Variants in SHANK2 observed in about 807,000 individuals in gnomAD.
The protein encoded by SHANK2 is SH3 and multiple ankyrin repeat domains protein 2.
SHANK2 carries 43 observed loss-of-function variants against 133.7 expected under a neutral mutation model. The observed-to-expected ratio is 0.32, with a 90% CI of 0.25 to 0.41. The LOEUF (loss-of-function observed/expected upper bound fraction) is 0.41. Among genes scored for constraint, SHANK2 ranks in the 10% least tolerant of loss-of-function variants. The pLI, the probability that SHANK2 is intolerant of heterozygous loss-of-function variation, is 1.00. For synonymous variants in SHANK2, 1,017 were observed against 952.8 expected (o/e 1.07, Z -1.24); for missense variants, 1,994 against 2,235.8 (o/e 0.89, Z 2.18).
Position 71,175,810 on chromosome 11 carries a change from G to A in SHANK2, c.-12-28472C>T, listed in dbSNP as rs1198016026. 6.6e-6 allele frequency among the ~76,000 whole-genome samples: 1 copy of A among 152,188 alleles called. No individual in the cohort carries two copies. The highest frequency in any genetic ancestry group is 1.9e-4 in the East Asian group (1 of 5,192). On this transcript the variant is annotated intron_variant, in intron 2 of 25. Transcript: ENST00000601538. The surrounding 1 kb of genome is among the most constrained non-coding windows in gnomAD (Gnocchi z 4.2). ...TGACTCCCAGCTTTCTGCCTCCTCA[G>A]GGTTTCCAGACCATGCTGCAAGCAA...
chr11:71,234,401 A>ATAAATAAC (rs1329862957), intron 1 of SHANK2, among the ~76,000 whole-genome samples: 21 of 149,940 alleles, frequency 1.4e-4, no homozygotes, highest in African/African-American at 4.3e-4. Context: ...AAATAAATAA[A>ATAAATAAC]TAACAACAAA....
At chr11:70,562,302 G>A (rs2059916272) in intron 17 of SHANK2, among the ~76,000 whole-genome samples, 1 of 152,182 alleles carries the variant, frequency 6.6e-6, no homozygotes. Flanking sequence ...AGTCAAGCTG[G>A]TTGATGGGTT....
intron 17 of SHANK2, among the ~76,000 whole-genome samples, chr11:70,614,097 G>T (rs529117380): frequency 1.3e-5 from 2 of 152,148 alleles, no homozygotes; most frequent in South Asian, 4.2e-4. Context: ...GACACACAGG[G>T]AGCCCACCAT....
chr11:70,879,705 A>G lies in SHANK2; in HGVS notation c.1174+16796T>C, dbSNP rs1949627353. On this transcript the variant is annotated intron_variant, in intron 11 of 25. Transcript: ENST00000601538. ...GGTTGAATCCCTTGCCCCAAAGGCC[A>G]TGCGGGGCCCCCCTCCCAGGCTTAT... 2.6e-5 allele frequency among the ~76,000 whole-genome samples: 4 copies of G among 152,342 alleles called. No homozygotes were observed. In the South Asian group the frequency reaches 8.3e-4, roughly 32 times the overall value.
At chr11:70,767,535 G>A (rs140591083) in intron 14 of SHANK2, among the ~76,000 whole-genome samples, 8 of 152,070 alleles carry the variant, frequency 5.3e-5, no homozygotes, top group African/African-American at 1.9e-4. Flanking sequence ...GAAAAGGAGC[G>A]ACGTACCACC....
chr11:70,873,741 A>T (rs1234283919), intron 11 of SHANK2, among the ~76,000 whole-genome samples: 6 of 139,950 alleles, frequency 4.3e-5, no homozygotes, highest in South Asian at 2.3e-4. Context: ...TCCATTTACC[A>T]TTTTTTTTTT....
chr11:71,150,344 CAGGGAGGGAGGGAGGGAG>C (rs1198358662), intron 2 of SHANK2, among the ~76,000 whole-genome samples: 2 of 27,844 alleles, frequency 7.2e-5, no homozygotes, highest in Non-Finnish European at 1.3e-4. Context: ...GAGGGAGGGA[CAGGGAGGGAGGGAGGGAG>C]AGGGAGGGAC....
chr11:70,528,490 T>C (rs1554972562), intron 17 of SHANK2, among the ~76,000 whole-genome samples: 1 of 152,056 alleles, frequency 6.6e-6, no homozygotes, highest in African/African-American at 2.4e-5. Flanking sequence ...ATGGGGCTCT[T>C]TCCCGTTTAC....
chr11:70,796,759 C>T (rs537089501), intron 14 of SHANK2, among the ~76,000 whole-genome samples: 2 of 152,346 alleles, frequency 1.3e-5, no homozygotes, highest in South Asian at 4.1e-4. Context: ...CTTGAGGCAA[C>T]AGGATGCCTG....
At chr11:71,200,148 C>T (rs1953989116) in intron 2 of SHANK2, among the ~76,000 whole-genome samples, 1 of 152,206 alleles carries the variant, frequency 6.6e-6, no homozygotes, top group African/African-American at 2.4e-5. Flanking sequence ...CCTCTGGCAA[C>T]TGCTAGTCTA....
chr11:70,944,920 C>T (rs547509262), intron 10 of SHANK2, among the ~76,000 whole-genome samples: 76 of 152,314 alleles, frequency 5.0e-4, no homozygotes, highest in Admixed American at 1.7e-3. Flanking sequence ...TTCTCAAATG[C>T]TCCCTGTTTC....
chr11:71,127,207 G>C (rs1952208742), intron 3 of SHANK2, among the ~76,000 whole-genome samples: 1 of 152,168 alleles, frequency 6.6e-6, no homozygotes, highest in South Asian at 2.1e-4. Context: ...GATAAAACTT[G>C]AATGGATGAG....
At chr11:71,076,046 A>G (rs1368747578) in intron 8 of SHANK2, among the ~76,000 whole-genome samples, 4 of 152,178 alleles carry the variant, frequency 2.6e-5, no homozygotes, top group Non-Finnish European at 5.9e-5. Context: ...AAAGAACACC[A>G]CAGGGCCTCA....
chr11:71,150,655 C>G (rs1369466238), intron 2 of SHANK2, among the ~76,000 whole-genome samples: 1 of 151,968 alleles, frequency 6.6e-6, no homozygotes, highest in East Asian at 1.9e-4. Context: ...TCATGTCCAG[C>G]GCATGTTCTT....
Position 70,473,395 on chromosome 11 carries a change from G to A in SHANK2, c.5024C>T (p.Thr1675Met), listed in dbSNP as rs1372604596. Residue 1675 changes from threonine (T) to methionine (M), a missense_variant, in exon 26 of 26, where the codon ACG (threonine) becomes ATG (methionine). Around this residue, in one of 5 missense-constraint regions of SHANK2, gnomAD observed 797 missense variants for 907.4 expected, o/e 0.88. Transcript: ENST00000601538. The surrounding 1 kb of genome is among the most constrained non-coding windows in gnomAD (Gnocchi z 5.9). The part of the protein sequence containing the change: ...MSTISGTRST[T>M]VTFTVRPGTS... ...GCCGGGGCGAACAGTGAAGGTGACC[G>A]TCGTGCTCCGTGTACCTGAGATGGT... 26 of 1,608,736 alleles carry A rather than the reference G, an allele frequency of 1.6e-5. No homozygotes were observed. The highest frequency in any genetic ancestry group is 8.9e-5 in the East Asian group (4 of 44,888).
chr11:70,941,848 AATATAAT>A (rs1950652550), intron 10 of SHANK2, among the ~76,000 whole-genome samples: 3 of 150,966 alleles, frequency 2.0e-5, no homozygotes, highest in South Asian at 4.2e-4. Context: ...TTATAACAAT[AATATAAT>A]ATATAATAAT....
intron 11 of SHANK2, among the ~76,000 whole-genome samples, chr11:70,838,720 C>T (rs1262122836): frequency 6.6e-6 from 1 of 152,146 alleles, no homozygotes; most frequent in African/African-American, 2.4e-5. Context: ...TCCACTGAGT[C>T]CCTGGACTCT....
At chr11:71,176,495 T>C (rs1346166988) in intron 2 of SHANK2, among the ~76,000 whole-genome samples, 3 of 152,144 alleles carry the variant, frequency 2.0e-5, no homozygotes, top group Non-Finnish European at 4.4e-5. Flanking sequence ...ATTCTGTATG[T>C]TCAAAAAGGT....
intron 14 of SHANK2, among the ~76,000 whole-genome samples, chr11:70,734,308 C>T (rs1053113004): frequency 6.6e-6 from 1 of 152,144 alleles, no homozygotes; most frequent in Non-Finnish European, 1.5e-5. Context: ...AGGGATTGAA[C>T]GGGCAGAATA....
Sources: gnomAD v4.1 joint callset for allele counts (sites outside exome capture counted in the v4.1 genomes callset) on GRCh38, gnomAD v4.1.1 for gene constraint, gnomAD v4.1.1 regional missense constraint, Gnocchi (gnomAD v3.1) non-coding constraint, MANE v1.5 for transcripts, NCBI Gene and HGNC (gene_info 2026-07-23, HGNC 2026-07-21) for gene names.